SPATS2L: variants seen among roughly 807,000 people sequenced by gnomAD.
The protein encoded by SPATS2L is SPATS2-like protein.
In SPATS2L, 30 loss-of-function variants were observed where a neutral mutation model predicts 59.6. The ratio of observed to expected loss-of-function variants is 0.50; its 90% CI spans 0.38 to 0.68. The LOEUF (loss-of-function observed/expected upper bound fraction) is 0.68, where lower values mean the gene tolerates loss of function less well. Among genes scored for constraint, SPATS2L ranks in the 30% least tolerant of loss-of-function variants. The pLI is 0.00. For synonymous variants in SPATS2L, 252 were observed against 263.5 expected, an observed-to-expected ratio of 0.96 and a Z score of 0.42; for missense variants, 615 against 700.0, an observed-to-expected ratio of 0.88 and a Z score of 1.37.
chr2:200,330,693 T>G (rs1574413633), intron 2 of SPATS2L, among the ~76,000 whole-genome samples: 1 of 152,158 alleles, frequency 6.6e-6, no homozygotes, highest in Non-Finnish European at 1.5e-5. Flanking sequence ...TACCAAATAA[T>G]CAGAAACTCT....
At chr2:200,469,535 G>A (rs1010366885) in intron 10 of SPATS2L, among the ~76,000 whole-genome samples, 6 of 151,880 alleles carry the variant, frequency 4.0e-5, no homozygotes, top group Admixed American at 1.3e-4. Context: ...TAGGAAGGAC[G>A]ACATGTTTTC....
At chr2:200,458,988 C>T (rs533581588) in intron 8 of SPATS2L, among the ~76,000 whole-genome samples, 62 of 152,306 alleles carry the variant, frequency 4.1e-4, no homozygotes, top group Middle Eastern at 3.4e-3. Flanking sequence ...TGCCTTTTTG[C>T]TGAAACCTCT....
At chr2:200,387,492 T>C (rs919187860) in intron 2 of SPATS2L, among the ~76,000 whole-genome samples, 1 of 152,214 alleles carries the variant, frequency 6.6e-6, no homozygotes, top group Admixed American at 6.5e-5. Context: ...TCTCTCTGGA[T>C]TCCTAGTTGA....
intron 2 of SPATS2L, among the ~76,000 whole-genome samples, chr2:200,381,515 G>C (rs2081811041): frequency 6.6e-6 from 1 of 152,188 alleles, no homozygotes; most frequent in African/African-American, 2.4e-5. Context: ...TTCCCATCCT[G>C]TCAGAGCACT....
At chr2:200,418,671 C>G (rs1453925136) in intron 5 of SPATS2L, among the ~76,000 whole-genome samples, 1 of 152,090 alleles carries the variant, frequency 6.6e-6, no homozygotes, top group Non-Finnish European at 1.5e-5. Flanking sequence ...TAGACAATGA[C>G]AGCAATTCCA....
At chr2:200,405,158 G>A (rs962332836) in intron 3 of SPATS2L, among the ~76,000 whole-genome samples, 1 of 152,114 alleles carries the variant, frequency 6.6e-6, no homozygotes, top group East Asian at 1.9e-4. Flanking sequence ...CATCAGCTGG[G>A]AGCTGATTAG....
At chr2:200,437,591 G>T (rs1216455503) in intron 6 of SPATS2L, among the ~76,000 whole-genome samples, 1 of 152,190 alleles carries the variant, frequency 6.6e-6, no homozygotes, top group South Asian at 2.1e-4. Flanking sequence ...ACTACCATTT[G>T]AATCTGTTTT....
chr2:200,340,486 T>C (rs533730777), intron 2 of SPATS2L, among the ~76,000 whole-genome samples: 1 of 152,248 alleles, frequency 6.6e-6, no homozygotes, highest in South Asian at 2.1e-4. Context: ...ACTGCCTTCT[T>C]CCCTGGATGA....
intron 6 of SPATS2L, among the ~76,000 whole-genome samples, chr2:200,425,044 C>T (rs1018021331): frequency 2.0e-5 from 3 of 151,104 alleles, no homozygotes; most frequent in Non-Finnish European, 4.4e-5. Context: ...GCAGCACCTG[C>T]GCAGAGCTGC....
chr2:200,442,415 C>T (rs1229327740), intron 8 of SPATS2L, among the ~76,000 whole-genome samples: 1 of 152,140 alleles, frequency 6.6e-6, no homozygotes. Flanking sequence ...TGCAGCTACC[C>T]AGCTCTGCTG....
In SPATS2L at chr2:200,462,881, A is replaced by G. The variant is rs910956427; in HGVS notation, c.847+3054A>G. On this transcript the variant is annotated intron_variant, in intron 9 of 12. Coordinates refer to ENST00000409140, the MANE Select transcript of SPATS2L (RefSeq NM_001100423.2). ...TTTAAGGATGCAGCAAGCCATGATCATGCCATTACAATCCAGCCTATATAA... is the reference window on the plus strand; with the variant it reads ...TTTAAGGATGCAGCAAGCCATGATCGTGCCATTACAATCCAGCCTATATAA... 2.6e-5 allele frequency among the ~76,000 whole-genome samples: 4 copies of G among 152,280 alleles called. No individual in the cohort carries two copies. The South Asian group carries it at 8.3e-4, about 32-fold the overall frequency.
chr2:200,347,370 C>T (rs1032785677), intron 2 of SPATS2L, among the ~76,000 whole-genome samples: 2 of 152,162 alleles, frequency 1.3e-5, no homozygotes, highest in African/African-American at 4.8e-5. Flanking sequence ...GACTGTCCTG[C>T]GCATGTCTTG....
chr2:200,391,184 A>C (rs1275662935), intron 3 of SPATS2L, among the ~76,000 whole-genome samples: 1 of 152,160 alleles, frequency 6.6e-6, no homozygotes, highest in African/African-American at 2.4e-5. Context: ...CAAAAAACCC[A>C]CAGTAGAGCA....
chr2:200,420,660 T>A (rs985763068), intron 6 of SPATS2L, among the ~76,000 whole-genome samples: 3 of 152,224 alleles, frequency 2.0e-5, no homozygotes, highest in African/African-American at 7.2e-5. Flanking sequence ...CTAAACATCA[T>A]AAAGTACCAT....
chr2:200,439,243 G>C lies in SPATS2L; in HGVS notation c.567G>C (p.Lys189Asn). 6.2e-7 allele frequency: 1 copy of C among 1,613,728 alleles called. No individual in the cohort carries two copies. The highest frequency in any genetic ancestry group is 8.5e-7 in the Non-Finnish European group (1 of 1,179,734). ...WSAEQPCNPS[K>N]PKAKTSPVKS... The stretch of plus-strand genomic sequence containing the variant: ...CTGAGCAGCCTTGTAACCCAAGCAA[G>C]CCTAAGGCAAAAACATCTCCTGTTA... The change falls in exon 7 of 13, where the codon AAG (lysine) becomes AAC (asparagine). Residue 189 changes from lysine (K) to asparagine (N), a missense_variant. Coordinates refer to ENST00000409140, the MANE Select transcript of SPATS2L (RefSeq NM_001100423.2).
intron 4 of SPATS2L, among the ~76,000 whole-genome samples, chr2:200,413,951 G>A (rs147010546): frequency 3.9e-5 from 6 of 152,138 alleles, no homozygotes; most frequent in Non-Finnish European, 5.9e-5. Context: ...GCAGCATTAG[G>A]TGCAGTTTGT....
chr2:200,370,358 A>G (rs371624137), intron 2 of SPATS2L, among the ~76,000 whole-genome samples: 133 of 152,314 alleles, frequency 8.7e-4, no homozygotes, highest in African/African-American at 3.2e-3. Context: ...AATTTCATCA[A>G]CGCAGTTTTC....
chr2:200,379,257 G>C (rs2081713643), intron 2 of SPATS2L, among the ~76,000 whole-genome samples: 1 of 152,192 alleles, frequency 6.6e-6, no homozygotes. Flanking sequence ...TTGTGACTTA[G>C]TGAGTAGCTT....
At chr2:200,441,260 C>T (rs936618803) in intron 8 of SPATS2L, among the ~76,000 whole-genome samples, 1 of 152,170 alleles carries the variant, frequency 6.6e-6, no homozygotes, top group Non-Finnish European at 1.5e-5. Flanking sequence ...AAACATGGTG[C>T]ATCAATATGG....
Sources: allele counts gnomAD v4.1 joint callset (sites outside exome capture counted in the v4.1 genomes callset), GRCh38; gene constraint gnomAD v4.1.1; transcripts MANE v1.5; gene names NCBI Gene and HGNC (gene_info 2026-07-23, HGNC 2026-07-21).